Variants in NOS1AP observed in about 807,000 individuals in gnomAD.
NOS1AP encodes nitric oxide synthase 1 adaptor protein, also known as carboxyl-terminal PDZ ligand of neuronal nitric oxide synthase protein.
NOS1AP carries 21 observed loss-of-function variants against 56.2 expected under a neutral mutation model. The ratio of observed to expected loss-of-function variants is 0.37; its 90% CI spans 0.26 to 0.54. NOS1AP has a LOEUF of 0.54. Ranked by LOEUF, NOS1AP falls within the 20% of genes least tolerant of loss-of-function variation. The pLI is 0.84. For synonymous variants in NOS1AP, 270 were observed against 274.6 expected, an observed-to-expected ratio of 0.98 and a Z score of 0.17; for missense variants, 522 against 657.8, an observed-to-expected ratio of 0.79 and a Z score of 2.26.
intron 3 of NOS1AP, among the ~76,000 whole-genome samples, chr1:162,294,896 T>G (rs1314473844): frequency 6.6e-6 from 1 of 152,192 alleles, no homozygotes; most frequent in Non-Finnish European, 1.5e-5. Flanking sequence ...TTTTCTCCAT[T>G]TGCTTTGTTT....
intron 2 of NOS1AP, among the ~76,000 whole-genome samples, chr1:162,278,097 C>T (rs1382731398): frequency 2.0e-5 from 3 of 152,170 alleles, no homozygotes; most frequent in African/African-American, 7.2e-5. Context: ...TCCTTTCTGC[C>T]TTCCATCCTC....
intron 1 of NOS1AP, among the ~76,000 whole-genome samples, chr1:162,080,454 G>A (rs998363814): frequency 6.6e-6 from 1 of 152,168 alleles, no homozygotes; most frequent in South Asian, 2.1e-4. Flanking sequence ...GCAGCGTTGA[G>A]TATTGAATAA....
rs369451529 is a variant in NOS1AP, at chr1:162,157,374, C to T, written c.177+2898C>T. 2.6e-4 allele frequency among the ~76,000 whole-genome samples: 39 copies of T among 152,356 alleles called. No individual in the cohort carries two copies. In the East Asian group the frequency reaches 6.9e-3, roughly 27 times the overall value. ...GTGGTATGTGTTTTACCCTAAACCC[C>T]TCAATTCACTGCTAGGTCCAGGCTG... On this transcript the variant is annotated intron_variant, in intron 2 of 9. Coordinates refer to ENST00000361897, the MANE Select transcript of NOS1AP (RefSeq NM_014697.3).
At chr1:162,296,932 C>G (rs958982662) in intron 3 of NOS1AP, among the ~76,000 whole-genome samples, 1 of 152,206 alleles carries the variant, frequency 6.6e-6, no homozygotes, top group African/African-American at 2.4e-5. Flanking sequence ...CTAGACTCCA[C>G]TTAGGATTTG....
intron 1 of NOS1AP, among the ~76,000 whole-genome samples, chr1:162,125,130 C>CTTT (rs56264198): frequency 2.9e-4 from 36 of 124,136 alleles, no homozygotes; most frequent in African/African-American, 7.1e-4. Context: ...GTTTCTGACT[C>CTTT]TTTTTTTTTT....
chr1:162,320,262 C>A (rs1656368752), intron 4 of NOS1AP, among the ~76,000 whole-genome samples: 1 of 152,164 alleles, frequency 6.6e-6, no homozygotes, highest in Non-Finnish European at 1.5e-5. Flanking sequence ...TGGCATACAG[C>A]AGATGAAAAT....
intron 1 of NOS1AP, among the ~76,000 whole-genome samples, chr1:162,137,967 G>A (rs934491853): frequency 6.6e-6 from 1 of 152,084 alleles, no homozygotes; most frequent in African/African-American, 2.4e-5. Flanking sequence ...TGGGTAAGAG[G>A]GGGTGCTGGT....
chr1:162,354,241 G>A lies in NOS1AP; in HGVS notation c.596-946G>A, dbSNP rs144092515. Among the ~76,000 whole-genome samples, 1,084 of 152,328 alleles carry A rather than the reference G, an allele frequency of 7.1e-3. 15 individuals carry two copies. The highest frequency in any genetic ancestry group is 0.025 in the African/African-American group (1,032 of 41,574). On this transcript the variant is annotated intron_variant, in intron 6 of 9. Transcript: ENST00000361897. ...ATCCACCTGTTCCATTTTATAATTG[G>A]TGCGTGGTCTCTGAAAACTCATGAG...
chr1:162,291,970 A>G (rs1292557537), intron 3 of NOS1AP, among the ~76,000 whole-genome samples: 1 of 152,214 alleles, frequency 6.6e-6, no homozygotes, highest in Non-Finnish European at 1.5e-5. Flanking sequence ...AACTTCATCC[A>G]AGGGATTTTT....
At chr1:162,287,656 C>G (rs530277988) in intron 3 of NOS1AP, among the ~76,000 whole-genome samples, 1 of 152,246 alleles carries the variant, frequency 6.6e-6, no homozygotes, top group East Asian at 1.9e-4. Context: ...CCTGGTACCC[C>G]AGGTGATGGG....
intron 2 of NOS1AP, among the ~76,000 whole-genome samples, chr1:162,212,396 C>T (rs1652380679): frequency 6.6e-6 from 1 of 152,112 alleles, no homozygotes; most frequent in Non-Finnish European, 1.5e-5. Flanking sequence ...ATGGGCTGGT[C>T]CTGCCCTCAT....
At chr1:162,230,962 A>G (rs1174565757) in intron 2 of NOS1AP, among the ~76,000 whole-genome samples, 5 of 152,204 alleles carry the variant, frequency 3.3e-5, no homozygotes, top group Admixed American at 2.0e-4. Context: ...AGGTGTACAA[A>G]TATCTCTTTA....
chr1:162,170,752 C>G (rs910380679), intron 2 of NOS1AP, among the ~76,000 whole-genome samples: 3 of 151,950 alleles, frequency 2.0e-5, no homozygotes, highest in Non-Finnish European at 2.9e-5. Flanking sequence ...ATGGAGAAAC[C>G]CTGTCTCGAC....
At chr1:162,300,545 C>T (rs1420211470) in intron 3 of NOS1AP, 88 bp from the exon 4 acceptor site, 1 of 1,204,222 alleles carries the variant, frequency 8.3e-7, no homozygotes, top group African/African-American at 1.5e-5. Flanking sequence ...AGGTCAGGAG[C>T]AAAATGCATG....
intron 2 of NOS1AP, among the ~76,000 whole-genome samples, chr1:162,186,438 C>G (rs1468462760): frequency 6.6e-6 from 1 of 151,838 alleles, no homozygotes; most frequent in Non-Finnish European, 1.5e-5. Context: ...CAAAAAAACC[C>G]CAGCTCTCTC....
chr1:162,264,083 T>G (rs1654322156), intron 2 of NOS1AP, among the ~76,000 whole-genome samples: 1 of 152,206 alleles, frequency 6.6e-6, no homozygotes, highest in Non-Finnish European at 1.5e-5. Context: ...CTGAACCTGT[T>G]TTTCATACTG....
At chr1:162,304,625 G>A (rs1033633479) in intron 4 of NOS1AP, among the ~76,000 whole-genome samples, 1 of 152,064 alleles carries the variant, frequency 6.6e-6, no homozygotes, top group Non-Finnish European at 1.5e-5. Context: ...ATTGTTGATA[G>A]TCTTGTGGAT....
chr1:162,197,012 G>A (rs566720332), intron 2 of NOS1AP, among the ~76,000 whole-genome samples: 6 of 152,204 alleles, frequency 3.9e-5, no homozygotes, highest in Admixed American at 1.3e-4. Flanking sequence ...AGAGTTTGTC[G>A]GTGGCTCTCC....
intron 4 of NOS1AP, among the ~76,000 whole-genome samples, chr1:162,304,073 T>C (rs995641034): frequency 6.6e-6 from 1 of 152,208 alleles, no homozygotes; most frequent in African/African-American, 2.4e-5. Context: ...TGTTTTCTTC[T>C]AAAGCATGAA....
Sources: allele counts gnomAD v4.1 joint callset (sites outside exome capture counted in the v4.1 genomes callset), GRCh38; gene constraint gnomAD v4.1.1; transcripts MANE v1.5; gene names NCBI Gene and HGNC (gene_info 2026-07-23, HGNC 2026-07-21).